Variants in SPOCK3 observed in about 807,000 individuals in gnomAD.
SPOCK3 encodes testican-3.
In SPOCK3, 30 loss-of-function variants were observed where a neutral mutation model predicts 56.6. The observed-to-expected ratio is 0.53, with a 90% confidence interval of 0.40 to 0.72. The LOEUF is 0.72. Ranked by LOEUF, SPOCK3 falls within the 30% of genes least tolerant of loss-of-function variation. The pLI is 0.00. For synonymous variants in SPOCK3, 196 were observed against 183.3 expected (o/e 1.07, Z -0.56); for missense variants, 527 against 530.0 (o/e 0.99, Z 0.06).
intron 2 of SPOCK3, among the ~76,000 whole-genome samples, chr4:167,068,319 T>G (rs975874144): frequency 1.3e-5 from 2 of 151,636 alleles, no homozygotes; most frequent in South Asian, 4.1e-4. Flanking sequence ...TGACTTCCAA[T>G]TTTATTTTCT....
At chr4:166,849,569 T>G (rs1256397023) in intron 6 of SPOCK3, among the ~76,000 whole-genome samples, 1 of 152,214 alleles carries the variant, frequency 6.6e-6, no homozygotes, top group African/African-American at 2.4e-5. Context: ...TCATTTACTA[T>G]TATAAAACAT....
intron 7 of SPOCK3, among the ~76,000 whole-genome samples, chr4:166,763,973 T>C (rs991077762): frequency 3.3e-5 from 5 of 152,094 alleles, no homozygotes; most frequent in Admixed American, 1.3e-4. Flanking sequence ...AAGAATCTGT[T>C]TCTTTTTTCA....
intron 3 of SPOCK3, among the ~76,000 whole-genome samples, chr4:167,058,704 G>A (rs1278095976): frequency 2.0e-5 from 3 of 152,130 alleles, no homozygotes; most frequent in Non-Finnish European, 4.4e-5. Context: ...TCAATCCTAA[G>A]CCAAATGAAC....
intron 4 of SPOCK3, among the ~76,000 whole-genome samples, chr4:166,922,625 T>G (rs1738624707): frequency 6.6e-6 from 1 of 152,156 alleles, no homozygotes; most frequent in South Asian, 2.1e-4. Context: ...TACTCTTTCC[T>G]TCCTTATGCT....
At chr4:166,918,581 C>T (rs1420404931) in intron 4 of SPOCK3, 2 of 151,996 alleles carry the variant, frequency 1.3e-5, no homozygotes, top group African/African-American at 4.8e-5. Context: ...GCTTATTCTG[C>T]AATATGAATA....
Position 166,912,671 on chromosome 4 carries a change from C to T in SPOCK3, c.423G>A (p.Val141=). 2 of 1,613,514 alleles carry T rather than the reference C, an allele frequency of 1.2e-6. No individual in the cohort carries two copies. Among genetic ancestry groups the T allele is most frequent in the African/African-American group, 1.3e-5 (1 of 74,966 alleles). The part of the protein sequence containing the change: ...PILSTCKQCP[V]VYPSPVCGSD... ...AACCACAAACAGGGCTGGGATAGACCACTGGGCACTGCTTGCAGGTGGATA... is the reference window on the plus strand; with the variant it reads ...AACCACAAACAGGGCTGGGATAGACTACTGGGCACTGCTTGCAGGTGGATA... The change falls in exon 5 of 11, where the codon GTG becomes GTA. Residue 141 remains valine (V), a synonymous_variant. Transcript: ENST00000357545.
At chr4:167,037,494 G>GAAAA (rs34198420) in intron 3 of SPOCK3, among the ~76,000 whole-genome samples, 8 of 141,802 alleles carry the variant, frequency 5.6e-5, no homozygotes, top group East Asian at 2.1e-4. Flanking sequence ...AAAAGAAGAA[G>GAAAA]AAAAAAAAAA....
intron 2 of SPOCK3, among the ~76,000 whole-genome samples, chr4:167,095,018 C>G (rs150468882): frequency 1.3e-5 from 2 of 151,974 alleles, no homozygotes; most frequent in African/African-American, 4.8e-5. Flanking sequence ...ACTCTCAGCT[C>G]GAAGACAGTC....
At chr4:166,799,205 G>A (rs1415961975) in intron 6 of SPOCK3, among the ~76,000 whole-genome samples, 3 of 152,120 alleles carry the variant, frequency 2.0e-5, no homozygotes, top group East Asian at 1.9e-4. Flanking sequence ...CAAGATGCCC[G>A]TCTGATTTGC....
chr4:166,740,547 A>T (rs998851439), intron 9 of SPOCK3, among the ~76,000 whole-genome samples: 17 of 149,524 alleles, frequency 1.1e-4, no homozygotes, highest in Non-Finnish European at 2.1e-4. Context: ...TATTTCTGAG[A>T]TGGAGTCTCG....
At chr4:167,060,700 A>G (rs1755507348) in intron 3 of SPOCK3, among the ~76,000 whole-genome samples, 1 of 152,160 alleles carries the variant, frequency 6.6e-6, no homozygotes, top group South Asian at 2.1e-4. Flanking sequence ...ACTTCAAAAT[A>G]TCATCGGGAT....
intron 7 of SPOCK3, among the ~76,000 whole-genome samples, chr4:166,781,874 GAAACAAAACA>G (rs772904677): frequency 6.6e-6 from 1 of 151,996 alleles, no homozygotes; most frequent in Non-Finnish European, 1.5e-5. Flanking sequence ...GTAACATGCT[GAAACAAAACA>G]AAACAAAACA....
At chr4:167,090,607 G>T (rs2150308821) in intron 2 of SPOCK3, among the ~76,000 whole-genome samples, 2 of 151,952 alleles carry the variant, frequency 1.3e-5, no homozygotes, top group Admixed American at 1.3e-4. Flanking sequence ...AGGTTCAAGT[G>T]ATTCTCCTGC....
At chr4:166,977,588 G>A (rs1746100379) in intron 4 of SPOCK3, among the ~76,000 whole-genome samples, 1 of 152,062 alleles carries the variant, frequency 6.6e-6, no homozygotes, top group Non-Finnish European at 1.5e-5. Context: ...ATAGTAATGT[G>A]TAATATGGAT....
intron 6 of SPOCK3, among the ~76,000 whole-genome samples, chr4:166,804,583 C>A (rs1410351780): frequency 6.6e-6 from 1 of 152,092 alleles, no homozygotes; most frequent in Non-Finnish European, 1.5e-5. Context: ...CTCTTCTTCT[C>A]AAATACATGT....
intron 2 of SPOCK3, among the ~76,000 whole-genome samples, chr4:167,107,768 T>C (rs369297903): frequency 2.4e-4 from 36 of 151,984 alleles, no homozygotes; most frequent in African/African-American, 8.0e-4. Context: ...AAAATCAACA[T>C]ACAAAAATCA....
intron 6 of SPOCK3, among the ~76,000 whole-genome samples, chr4:166,841,547 TCTAG>T (rs1223087872): frequency 6.6e-6 from 1 of 152,252 alleles, no homozygotes; most frequent in Non-Finnish European, 1.5e-5. Flanking sequence ...TCTTGTACTT[TCTAG>T]CTCTTATTTT....
chr4:167,231,834 C>A (rs1008850049), intron 2 of SPOCK3, among the ~76,000 whole-genome samples: 1 of 152,126 alleles, frequency 6.6e-6, no homozygotes, highest in South Asian at 2.1e-4. Flanking sequence ...GGCATTTATC[C>A]GCTCCATTCC....
At chr4:167,170,857 A>G (rs1434425907) in intron 2 of SPOCK3, among the ~76,000 whole-genome samples, 1 of 152,166 alleles carries the variant, frequency 6.6e-6, no homozygotes, top group African/African-American at 2.4e-5. Flanking sequence ...CAACTTTTCA[A>G]AATTCAAACT....
Sources: allele counts gnomAD v4.1 joint callset (sites outside exome capture counted in the v4.1 genomes callset), GRCh38; gene constraint gnomAD v4.1.1; transcripts MANE v1.5; gene names NCBI Gene and HGNC (gene_info 2026-07-23, HGNC 2026-07-21).